Variants in SCLY observed in about 807,000 individuals in gnomAD.
The protein encoded by SCLY is putative selenocysteine lyase.
In SCLY, 38 loss-of-function variants were observed where a neutral mutation model predicts 50.1. The observed-to-expected ratio is 0.76, with a 90% CI of 0.59 to 0.99. The LOEUF is 0.99. SCLY is among the 50% of genes least tolerant of loss of function. The probability of loss-of-function intolerance (pLI) is 0.00; values close to 1 mark genes in which losing one functional copy is unlikely to be tolerated. For synonymous variants in SCLY, 243 were observed against 249.4 expected (o/e 0.97, Z 0.24); for missense variants, 600 against 620.0 (o/e 0.97, Z 0.34).
At chr2:238,081,560 T>TG (rs1182121183) in intron 4 of SCLY, 149 bp from the exon 5 acceptor site, 3 of 1,096,756 alleles carry the variant, frequency 2.7e-6, no homozygotes, top group Non-Finnish European at 3.8e-6. Context: ...CCAGTGATGA[T>TG]GGGCGGCTTA....
At position 238,066,015 on chromosome 2, in the gene SCLY, A is replaced by C. The variant is rs1182565078; in HGVS notation, c.202+1546A>C. ...CTTTGAGGGAAATTTATTTTAAGGA[A>C]TATGTTGAGGATGTGGGGATTTTAC... is the stretch of plus-strand genomic sequence containing the variant. On this transcript the variant is annotated intron_variant, in intron 2 of 11. Coordinates refer to ENST00000254663, the MANE Select transcript of SCLY (RefSeq NM_016510.7). The surrounding 1 kb of genome is among the most constrained non-coding windows in gnomAD (Gnocchi z 4.1). Among the ~76,000 whole-genome samples the C allele has an allele frequency of 6.6e-6, 1 of 152,174 alleles. No individual in the cohort carries two copies. The highest frequency in any genetic ancestry group is 1.5e-5 in the Non-Finnish European group (1 of 68,034).
intron 4 of SCLY, among the ~76,000 whole-genome samples, chr2:238,072,056 T>A (rs1284104098): frequency 1.3e-5 from 2 of 152,138 alleles, no homozygotes; most frequent in African/African-American, 4.8e-5. Context: ...ACTGTAAATC[T>A]TCATTTCCCT....
rs71043105 is a variant in SCLY at position 238,098,646 on chromosome 2, T to TA, written c.*291_*292insA. The TA allele has an allele frequency of 6.7e-4, 288 of 428,266 alleles. 11 individuals carry two copies. The highest frequency in any genetic ancestry group is 1.2e-3 in the Middle Eastern group (2 of 1,604). 26.5% of individuals were successfully genotyped at this position (428,266 alleles called of 1,614,324 possible). On this transcript the variant is annotated 3_prime_UTR_variant, in exon 12 of 12. Transcript: ENST00000254663. ...GACCGCCCACATGGGACCGCCCACA[T>TA]GGGACCGCCCACATAGAACCGTCCT...
chr2:238,065,213 G>A (rs945915685), intron 2 of SCLY: 1 of 152,136 alleles, frequency 6.6e-6, no homozygotes, highest in South Asian at 2.1e-4. Flanking sequence ...CTTATTAAAC[G>A]TTTCACGGCA....
rs539648649 is a variant in SCLY at position 238,084,590 on chromosome 2, C to CA, written c.884+1259dup. Among the ~76,000 whole-genome samples the CA allele has an allele frequency of 3.4e-3, 150 of 44,692 alleles. 12 individuals carry two copies. Among genetic ancestry groups the CA allele is most frequent in the South Asian group, 6.6e-3 (6 of 908 alleles). The allele number at this position is 44,692 out of a possible 152,430, so 29.3% of individuals were successfully genotyped here. A position where few individuals can be genotyped will look rare whatever the true frequency, so the allele number is the denominator to read the frequency against. ...TGGGTGACAGAACAAGACTCTGTCT[C>CA]AAAAAAAAAAAAAAAAAAAAAAAGC... is the stretch of plus-strand genomic sequence containing the variant. On this transcript the variant is annotated intron_variant, in intron 7 of 11. Transcript: ENST00000254663.
chr2:238,077,953 C>T (rs945777387), intron 4 of SCLY, among the ~76,000 whole-genome samples: 9 of 138,312 alleles, frequency 6.5e-5, no homozygotes, highest in East Asian at 2.0e-4. Flanking sequence ...TGTAGATTCT[C>T]TTTTTTTTTT....
At chr2:238,078,179 C>A (rs755750396) in intron 4 of SCLY, among the ~76,000 whole-genome samples, 1 of 152,110 alleles carries the variant, frequency 6.6e-6, no homozygotes, top group Non-Finnish European at 1.5e-5. Flanking sequence ...ACCTTGAACT[C>A]CTGATCTCAG....
In SCLY at chr2:238,099,321, A is replaced by G. The variant is rs1691391126; in HGVS notation, c.*966A>G. The G allele has an allele frequency of 2.1e-6, 1 of 471,516 alleles. No individual in the cohort carries two copies. Among genetic ancestry groups the G allele is most frequent in the Admixed American group, 2.3e-5 (1 of 42,566 alleles). 29.2% of individuals were successfully genotyped at this position (471,516 alleles called of 1,614,324 possible). Reference sequence around the variant, plus strand: ...CATTTTCAGTGGAATAACATTTTTAATGTGTGGTTTTACGGTTCAAGGAAC... The same window carrying G: ...CATTTTCAGTGGAATAACATTTTTAGTGTGTGGTTTTACGGTTCAAGGAAC... On this transcript the variant is annotated 3_prime_UTR_variant, in exon 12 of 12. Transcript: ENST00000254663.
chr2:238,092,981 CCT>C (rs2065382301), intron 8 of SCLY: 1 of 152,824 alleles, frequency 6.5e-6, no homozygotes, highest in South Asian at 2.1e-4. Context: ...GAGATCCATT[CCT>C]CTGAGTTCAA....
chr2:238,093,878 C>T lies in SCLY; in HGVS notation c.939C>T (p.Thr313=), dbSNP rs1304979308. 1 of 1,613,994 alleles carries T rather than the reference C, an allele frequency of 6.2e-7. No homozygotes were observed. The highest frequency in any genetic ancestry group is 8.5e-7 in the Non-Finnish European group (1 of 1,179,994). Residue 313 remains threonine, a synonymous_variant, in exon 9 of 12, where the codon ACC becomes ACT. Transcript: ENST00000254663. The part of the protein sequence containing the change: ...AGLGKAAELV[T]QNCEAYEAHM... ...GCCCCCAGGCCGCGGAGCTGGTGACCCAGAACTGCGAGGCTTATGAGGCCC... is the reference window on the plus strand; with the variant it reads ...GCCCCCAGGCCGCGGAGCTGGTGACTCAGAACTGCGAGGCTTATGAGGCCC...
Position 238,093,322 on chromosome 2 carries a change from C to T in SCLY, c.922-539C>T, listed in dbSNP as rs534423028. 14 of 160,382 alleles carry T rather than the reference C, an allele frequency of 8.7e-5. No homozygotes were observed. The South Asian group carries it at 1.6e-3, about 19-fold the overall frequency. 9.9% of individuals were successfully genotyped at this position (160,382 alleles called of 1,614,324 possible). Reference sequence around the variant, plus strand: ...TCGCATCCCTCCCTCAGCCTCACTGCGTCTGCCCCGTGGCCGGGCCTGCAG... The same window carrying T: ...TCGCATCCCTCCCTCAGCCTCACTGTGTCTGCCCCGTGGCCGGGCCTGCAG... On this transcript the variant is annotated intron_variant, in intron 8 of 11. Coordinates refer to ENST00000254663, the MANE Select transcript of SCLY (RefSeq NM_016510.7).
At chr2:238,091,587 G>A (rs963215390) in intron 8 of SCLY, 5 of 339,730 alleles carry the variant, frequency 1.5e-5, no homozygotes, top group African/African-American at 6.4e-5. Context: ...CACCATCGAC[G>A]TTCTGTCCCC....
At chr2:238,094,711 G>A (rs533450854) in intron 10 of SCLY, 189 bp downstream of exon 10, 26 of 567,962 alleles carry the variant, frequency 4.6e-5, no homozygotes, top group East Asian at 2.6e-4. Flanking sequence ...GGCTCTCGCC[G>A]CTGGCCCCTC....
chr2:238,079,594 A>G (rs1271340410), intron 4 of SCLY: 2 of 152,148 alleles, frequency 1.3e-5, no homozygotes, highest in Non-Finnish European at 2.9e-5. Context: ...AATTATATAC[A>G]TGTTATTTTA....
intron 8 of SCLY, chr2:238,091,526 TGAA>T: frequency 4.3e-6 from 2 of 468,234 alleles, no homozygotes; most frequent in East Asian, 3.9e-5. Flanking sequence ...ACAGCAGAGG[TGAA>T]GTGTCAAGCT....
chr2:238,084,460 G>A (rs754553451), intron 7 of SCLY, among the ~76,000 whole-genome samples: 12 of 151,648 alleles, frequency 7.9e-5, no homozygotes, highest in African/African-American at 1.2e-4. Flanking sequence ...GTGTGGTGGC[G>A]CATGCCTGTA....
intron 6 of SCLY, chr2:238,082,896 C>A: frequency 9.3e-6 from 3 of 323,736 alleles, no homozygotes; most frequent in South Asian, 2.8e-5. Context: ...GGTTCCAACC[C>A]CTCTCTATTT....
intron 7 of SCLY, among the ~76,000 whole-genome samples, 183 bp from the exon 8 acceptor site, chr2:238,091,035 C>A (rs973020222): frequency 6.6e-6 from 1 of 152,190 alleles, no homozygotes; most frequent in Admixed American, 6.5e-5. Flanking sequence ...TGGGCCAGGG[C>A]AAGTGAAAAC....
chr2:238,067,943 C>G lies in SCLY; in HGVS notation c.203-122C>G, dbSNP rs1283445416. On this transcript the variant is annotated intron_variant, in intron 2 of 11. Transcript: ENST00000254663. This position sits in a 1 kb window ranked among gnomAD's most constrained non-coding sequence, Gnocchi z 4.3. ...TTTTGCTGTGCTCACATTAAGGGGC[C>G]AGGTTTTGTCTTAGAACGGCCCACG... 1 of 652,516 alleles carries G rather than the reference C, an allele frequency of 1.5e-6. No homozygotes were observed. The highest frequency in any genetic ancestry group is 2.6e-6 in the Non-Finnish European group (1 of 382,898). 40.4% of individuals were successfully genotyped at this position (652,516 alleles called of 1,614,324 possible). A position where few individuals can be genotyped will look rare whatever the true frequency, so the allele number is the denominator to read the frequency against.
Sources: gnomAD v4.1 joint callset for allele counts (sites outside exome capture counted in the v4.1 genomes callset) on GRCh38, gnomAD v4.1.1 for gene constraint, Gnocchi (gnomAD v3.1) non-coding constraint, MANE v1.5 for transcripts, NCBI Gene and HGNC (gene_info 2026-07-23, HGNC 2026-07-21) for gene names.